The following LDB2 variants were observed in gnomAD, a reference collection of about 807,000 sequenced individuals.
The protein encoded by LDB2 is LIM domain binding 2, also known as LIM domain-binding protein 2.
Under a neutral mutation model 44.3 loss-of-function variants are expected in LDB2, and 12 were observed. The observed-to-expected ratio is 0.27, with a 90% CI of 0.17 to 0.44. The LOEUF is 0.44. Ranked by LOEUF, LDB2 falls within the 20% of genes least tolerant of loss-of-function variation. The pLI is 1.00. For synonymous variants in LDB2, 164 were observed against 174.8 expected, an observed-to-expected ratio of 0.94 and a Z score of 0.49; for missense variants, 344 against 473.5, an observed-to-expected ratio of 0.73 and a Z score of 2.54.
At chr4:16,617,464 A>C (rs910972372) in intron 2 of LDB2, among the ~76,000 whole-genome samples, 9 of 152,202 alleles carry the variant, frequency 5.9e-5, no homozygotes, top group African/African-American at 2.2e-4. Flanking sequence ...ATCCTGAACA[A>C]ATATAAAATT....
intron 7 of LDB2, among the ~76,000 whole-genome samples, chr4:16,505,631 TC>T (rs960247219): frequency 6.7e-6 from 1 of 150,036 alleles, no homozygotes; most frequent in Admixed American, 6.7e-5. Flanking sequence ...TTGTTAAAAA[TC>T]CCCCCAACAT....
intron 1 of LDB2, among the ~76,000 whole-genome samples, chr4:16,771,868 G>C (rs1233220333): frequency 6.6e-6 from 1 of 152,172 alleles, no homozygotes; most frequent in Non-Finnish European, 1.5e-5. Context: ...AAGAAGCCTG[G>C]AGGATCTTTT....
intron 1 of LDB2, among the ~76,000 whole-genome samples, chr4:16,785,082 A>G (rs1774125514): frequency 1.3e-5 from 2 of 152,134 alleles, no homozygotes; most frequent in Admixed American, 1.3e-4. Context: ...TTATTTATAT[A>G]GGTATGTGTG....
At chr4:16,821,368 A>C (rs1781929534) in intron 1 of LDB2, among the ~76,000 whole-genome samples, 1 of 133,956 alleles carries the variant, frequency 7.5e-6, no homozygotes. Context: ...TCTACATGGA[A>C]TATTTGAATT....
intron 1 of LDB2, among the ~76,000 whole-genome samples, chr4:16,895,561 T>C (rs112588751): frequency 4.0e-5 from 6 of 151,784 alleles, no homozygotes; most frequent in Admixed American, 3.9e-4. Context: ...TGTGTGTGTG[T>C]GAGAGAGATA....
At chr4:16,896,587 T>G (rs1018214383) in intron 1 of LDB2, among the ~76,000 whole-genome samples, 1 of 152,124 alleles carries the variant, frequency 6.6e-6, no homozygotes, top group Non-Finnish European at 1.5e-5. Flanking sequence ...CTTTCTAAAA[T>G]GTAAGGTGGA....
Position 16,864,415 on chromosome 4 carries a change from G to A in LDB2, c.132+33939C>T, listed in dbSNP as rs545342241. 1.1e-3 allele frequency among the ~76,000 whole-genome samples: 109 copies of A among 97,736 alleles called. 1 individual carries two copies. The highest frequency in any genetic ancestry group is 4.1e-3 in the African/African-American group (100 of 24,474). 64.1% of individuals were successfully genotyped at this position (97,736 alleles called of 152,430 possible). On this transcript the variant is annotated intron_variant, in intron 1 of 7. Transcript: ENST00000304523. ...AGAATAGGTCTCTTGGACTTTCTTC[G>A]CACAGAAAGATGACACCATAGATCT...
intron 2 of LDB2, among the ~76,000 whole-genome samples, chr4:16,597,681 G>A (rs1002498809): frequency 2.0e-5 from 3 of 152,060 alleles, no homozygotes; most frequent in Non-Finnish European, 4.4e-5. Context: ...AAAGGTTATG[G>A]CAAATAACCA....
Position 16,698,484 on chromosome 4 carries a change from C to T in LDB2, c.235+60674G>A, listed in dbSNP as rs78455499. On this transcript the variant is annotated intron_variant, in intron 2 of 7. Transcript: ENST00000304523. ...TGTCAGTTTGAAAGTTTTCTCCTTG[C>T]TGTATTTGATTTGTATTTCTTTCAT... 2.9e-4 allele frequency among the ~76,000 whole-genome samples: 44 copies of T among 152,284 alleles called. 1 individual carries two copies. In the East Asian group the frequency reaches 8.5e-3, roughly 29 times the overall value.
intron 3 of LDB2, among the ~76,000 whole-genome samples, chr4:16,592,465 C>CATACATACATATAT (rs1260473942): frequency 8.6e-6 from 1 of 116,606 alleles, no homozygotes; most frequent in African/African-American, 3.6e-5. Flanking sequence ...ATTATACATA[C>CATACATACATATAT]ATATATATAT....
intron 3 of LDB2, among the ~76,000 whole-genome samples, chr4:16,590,340 A>G (rs1454326438): frequency 6.6e-6 from 1 of 152,250 alleles, no homozygotes; most frequent in Non-Finnish European, 1.5e-5. Context: ...AAAAACAAAT[A>G]AATGAATAAG....
intron 1 of LDB2, among the ~76,000 whole-genome samples, chr4:16,828,757 G>A (rs1174695323): frequency 1.3e-5 from 2 of 152,194 alleles, no homozygotes; most frequent in African/African-American, 4.8e-5. Flanking sequence ...CAGAAAAAGT[G>A]TGACTTAAGG....
At chr4:16,816,806 G>T (rs1367111841) in intron 1 of LDB2, among the ~76,000 whole-genome samples, 1 of 152,014 alleles carries the variant, frequency 6.6e-6, no homozygotes, top group Admixed American at 6.6e-5. Flanking sequence ...TCATTCTCTT[G>T]CAGTCTTTTA....
At chr4:16,516,592 G>A (rs13126663) in intron 5 of LDB2, among the ~76,000 whole-genome samples, 24,588 of 152,144 alleles carry the variant, frequency 0.16, 2,294 homozygotes, top group South Asian at 0.29. Context: ...AAGGTAGACG[G>A]TGGGGGTGAC....
rs556645783 is a variant in LDB2 at position 16,786,223 on chromosome 4, T to C, written c.133-26963A>G. Among the ~76,000 whole-genome samples, 15 of 152,358 alleles carry C rather than the reference T, an allele frequency of 9.8e-5. No homozygotes were observed. In the South Asian group the frequency reaches 2.5e-3, roughly 25 times the overall value. Reference sequence around the variant, plus strand: ...AGCCGATCTACCAGTAAGACTTTTCTAGGTTCTTAATCCTCTTATCAACCA... The same window carrying C: ...AGCCGATCTACCAGTAAGACTTTTCCAGGTTCTTAATCCTCTTATCAACCA... On this transcript the variant is annotated intron_variant, in intron 1 of 7. Coordinates refer to ENST00000304523, the MANE Select transcript of LDB2 (RefSeq NM_001290.5).
intron 5 of LDB2, among the ~76,000 whole-genome samples, chr4:16,541,393 G>A (rs1480374740): frequency 6.6e-6 from 1 of 152,124 alleles, no homozygotes; most frequent in Non-Finnish European, 1.5e-5. Flanking sequence ...AGAGCTCCCT[G>A]AGGCCTCCTC....
chr4:16,630,129 A>T (rs7438508), intron 2 of LDB2, among the ~76,000 whole-genome samples: 57,908 of 151,954 alleles, frequency 0.38, 11,242 homozygotes, highest in East Asian at 0.56. Flanking sequence ...CCCAAAACAC[A>T]TAACTGTCAG....
intron 2 of LDB2, among the ~76,000 whole-genome samples, chr4:16,696,104 G>A (rs187707042): frequency 1.7e-3 from 254 of 152,342 alleles, no homozygotes; most frequent in Non-Finnish European, 3.0e-3. Context: ...GGGGAGAGAG[G>A]AAAGTAGGCT....
At chr4:16,675,978 C>A (rs372309547) in intron 2 of LDB2, among the ~76,000 whole-genome samples, 12 of 152,250 alleles carry the variant, frequency 7.9e-5, no homozygotes, top group East Asian at 3.9e-4. Context: ...GAATATTTGG[C>A]ATATTGGTAG....
Sources: allele counts gnomAD v4.1 joint callset (sites outside exome capture counted in the v4.1 genomes callset), GRCh38; gene constraint gnomAD v4.1.1; transcripts MANE v1.5; gene names NCBI Gene and HGNC (gene_info 2026-07-23, HGNC 2026-07-21).